The following PPFIA3 variants were observed in gnomAD, a reference collection of about 807,000 sequenced individuals.
The protein encoded by PPFIA3 is liprin-alpha-3.
In PPFIA3, 26 loss-of-function variants were observed where a neutral mutation model predicts 145.8. The ratio of observed to expected loss-of-function variants is 0.18; its 90% CI spans 0.13 to 0.25. The LOEUF (loss-of-function observed/expected upper bound fraction) is 0.25. PPFIA3 is among the 10% of genes least tolerant of loss of function. The probability of loss-of-function intolerance (pLI) is 1.00; values close to 1 mark genes in which losing one functional copy is unlikely to be tolerated. For missense variants in PPFIA3, 1,008 were observed against 1,587.8 expected, an observed-to-expected ratio of 0.63 and a Z score of 6.21; for synonymous variants, 645 against 661.4, an observed-to-expected ratio of 0.98 and a Z score of 0.38.
At chr19:49,140,436 C>T (rs2041205540) in intron 18 of PPFIA3, among the ~76,000 whole-genome samples, 1 of 151,746 alleles carries the variant, frequency 6.6e-6, no homozygotes, top group African/African-American at 2.4e-5. Flanking sequence ...GGAACCTCTA[C>T]CTCCTGGGTT....
chr19:49,145,504 C>T (rs574657841), intron 21 of PPFIA3, among the ~76,000 whole-genome samples: 1 of 152,250 alleles, frequency 6.6e-6, no homozygotes, highest in South Asian at 2.1e-4. Flanking sequence ...TGACACTCAC[C>T]AGAAGTACAT....
intron 25 of PPFIA3, 60 bp downstream of exon 25, chr19:49,148,823 A>T: frequency 6.5e-7 from 1 of 1,541,382 alleles, no homozygotes; most frequent in Non-Finnish European, 8.9e-7. Context: ...CTGGATGGGG[A>T]GGAGAGGGGG....
chr19:49,147,287 C>T lies in PPFIA3; in HGVS notation c.2836-796C>T, dbSNP rs192631076. Among the ~76,000 whole-genome samples, 80 of 151,846 alleles carry T rather than the reference C, an allele frequency of 5.3e-4. No homozygotes were observed. In the East Asian group the frequency reaches 1.0e-2, roughly 19 times the overall value. On this transcript the variant is annotated intron_variant, in intron 23 of 29. Coordinates refer to ENST00000334186, the MANE Select transcript of PPFIA3 (RefSeq NM_003660.4). ...AAATTTAATGTGTAGTGGGGTGGCA[C>T]ACACCTGTAGTCTCAGCTACTTGGA... is the stretch of plus-strand genomic sequence containing the variant.
At chr19:49,140,542 G>T (rs777947236) in intron 18 of PPFIA3, among the ~76,000 whole-genome samples, 8 of 150,802 alleles carry the variant, frequency 5.3e-5, no homozygotes, top group Non-Finnish European at 7.4e-5. Flanking sequence ...GTAGAGATAG[G>T]GTTTCCTCAT....
intron 15 of PPFIA3, among the ~76,000 whole-genome samples, chr19:49,137,802 A>C (rs2041159811): frequency 6.6e-6 from 1 of 152,104 alleles, no homozygotes; most frequent in Non-Finnish European, 1.5e-5. Flanking sequence ...ATACCAAATG[A>C]GTCCATGCCC....
At chr19:49,135,307 G>T (rs1034918885) in intron 13 of PPFIA3, among the ~76,000 whole-genome samples, 13 of 152,128 alleles carry the variant, frequency 8.5e-5, no homozygotes, top group African/African-American at 3.1e-4. Context: ...CTCCCAAAGT[G>T]CTGGGATTAC....
At chr19:49,138,951 A>G (rs1160686419) in intron 16 of PPFIA3, among the ~76,000 whole-genome samples, 1 of 148,008 alleles carries the variant, frequency 6.8e-6, no homozygotes, top group Non-Finnish European at 1.5e-5. Flanking sequence ...AACCTGGGAG[A>G]CAGAGTGAAA....
chr19:49,141,316 C>T (rs1034571448), intron 18 of PPFIA3, 104 bp from the exon 19 acceptor site: 51 of 799,078 alleles, frequency 6.4e-5, no homozygotes, highest in Middle Eastern at 2.7e-4. Context: ...CTCACTACTC[C>T]CTCAGGGCCT....
intron 1 of PPFIA3, among the ~76,000 whole-genome samples, chr19:49,122,806 C>T (rs1229007945): frequency 6.7e-6 from 1 of 149,676 alleles, no homozygotes; most frequent in Non-Finnish European, 1.5e-5. Flanking sequence ...ACTGCAAGCT[C>T]CGCCTTCTGG....
At chr19:49,129,238 G>T (rs1280436750) in intron 4 of PPFIA3, 142 bp from the exon 5 acceptor site, 5 of 978,426 alleles carry the variant, frequency 5.1e-6, no homozygotes, top group South Asian at 3.4e-5. Context: ...TTGGATAGCT[G>T]GTTGCGGCTG....
intron 11 of PPFIA3, among the ~76,000 whole-genome samples, 184 bp downstream of exon 11, chr19:49,134,349 C>T (rs2041111889): frequency 6.6e-6 from 1 of 152,176 alleles, no homozygotes; most frequent in South Asian, 2.1e-4. Flanking sequence ...CTAGACGTTC[C>T]AAGAGCCGAA....
rs888390132 is a variant in PPFIA3, at chr19:49,148,539, A to T, written c.3012-127A>T. On this transcript the variant is annotated intron_variant, in intron 24 of 29. Coordinates refer to ENST00000334186, the MANE Select transcript of PPFIA3 (RefSeq NM_003660.4). ...TGCCTCACCTCCTGAGGGGGTCAAC[A>T]GTCAATAGAACTTATCAGCTCCCCA... 9 of 811,380 alleles carry T rather than the reference A, an allele frequency of 1.1e-5. No homozygotes were observed. The Admixed American group carries it at 1.9e-4, about 17-fold the overall frequency. The allele number at this position is 811,380 out of a possible 1,614,324, so 50.3% of individuals were successfully genotyped here. A position where few individuals can be genotyped will look rare whatever the true frequency, so the allele number is the denominator to read the frequency against.
In PPFIA3 at chr19:49,129,424, C is replaced by G; in HGVS notation, c.552C>G (p.Leu184=). ...TGGCGCTGGAGCGCGTGGCAGTGCT[C>G]GAGGAGGAGCTGGAACTGAGCAATC... The part of the protein sequence containing the change: ...LRMALERVAV[L]EEELELSNQE... The change falls in exon 5 of 30, where the codon CTC becomes CTG. Residue 184 remains leucine, a synonymous_variant. Transcript: ENST00000334186. 2 of 1,552,788 alleles carry G rather than the reference C, an allele frequency of 1.3e-6. No homozygotes were observed. Among genetic ancestry groups the G allele is most frequent in the Admixed American group, 3.9e-5 (2 of 51,078 alleles).
intron 19 of PPFIA3, 79 bp downstream of exon 19, chr19:49,141,592 G>GGGTGTGTGTGTGCGTGTGTGTA (rs2041223715): frequency 9.4e-7 from 1 of 1,060,382 alleles, no homozygotes; most frequent in African/African-American, 2.0e-5. Context: ...GCGTGTATGT[G>GGGTGTGTGTGTGCGTGTGTGTA]TGTGTATGAG....
At chr19:49,132,897 T>G (rs2041092014) in intron 7 of PPFIA3, 104 bp from the exon 8 acceptor site, 10 of 1,455,124 alleles carry the variant, frequency 6.9e-6, no homozygotes, top group Non-Finnish European at 8.4e-6. Flanking sequence ...ACACCACCAT[T>G]CTGACTCCCA....
At position 49,141,409 on chromosome 19, in the gene PPFIA3, CCTG is replaced by C; in HGVS notation, c.2369-9_2369-7del. 6.2e-7 allele frequency: 1 copy of C among 1,612,102 alleles called. No individual in the cohort carries two copies. The highest frequency in any genetic ancestry group is 8.5e-7 in the Non-Finnish European group (1 of 1,178,464). On this transcript the variant is annotated splice_region_variant and splice_polypyrimidine_tract_variant and intron_variant, in intron 18 of 29. Transcript: ENST00000334186. ...GAGATTTTCCAAATTTCGACCCCTC[CCTG>C]CCTCCAGCTGGAACACCCTCAGATG...
At chr19:49,129,803 T>C (rs962690493) in intron 5 of PPFIA3, among the ~76,000 whole-genome samples, 190 bp from the exon 6 acceptor site, 1 of 152,020 alleles carries the variant, frequency 6.6e-6, no homozygotes, top group Non-Finnish European at 1.5e-5. Flanking sequence ...ACGCCCTCCG[T>C]GGTGGCAGCT....
At chr19:49,131,165 CTT>C (rs74182040) in intron 7 of PPFIA3, among the ~76,000 whole-genome samples, 25 of 102,092 alleles carry the variant, frequency 2.4e-4, no homozygotes, top group South Asian at 3.6e-4. Context: ...CACCCAGCCT[CTT>C]TTTTTTTTTT....
rs779823618 is a variant in PPFIA3, at chr19:49,133,392, G to C, written c.1161+21G>C. On this transcript the variant is annotated intron_variant, in intron 9 of 29. Transcript: ENST00000334186. This position sits in a 1 kb window ranked among gnomAD's most constrained non-coding sequence, Gnocchi z 7.2. ...ACAAGGTGCGGGGAGGACTCGGGTC[G>C]GGGCCTTGCGTGGGGAAGGGGTGGG... The C allele has an allele frequency of 1.4e-5, 22 of 1,578,002 alleles. No individual in the cohort carries two copies. Among genetic ancestry groups the C allele is most frequent in the Middle Eastern group, 2.3e-4 (1 of 4,320 alleles).
Sources: gnomAD v4.1 joint callset for allele counts (sites outside exome capture counted in the v4.1 genomes callset) on GRCh38, gnomAD v4.1.1 for gene constraint, Gnocchi (gnomAD v3.1) non-coding constraint, MANE v1.5 for transcripts, NCBI Gene and HGNC (gene_info 2026-07-23, HGNC 2026-07-21) for gene names.